Variants in TCFL5 observed in about 807,000 individuals in gnomAD.
TCFL5 encodes transcription factor-like 5 protein.
Under a neutral mutation model 44.3 loss-of-function variants are expected in TCFL5, and 9 were observed. The ratio of observed to expected loss-of-function variants is 0.20; its 90% CI spans 0.12 to 0.35. The LOEUF (loss-of-function observed/expected upper bound fraction) is 0.35, where lower values mean the gene tolerates loss of function less well. Ranked by LOEUF, TCFL5 falls within the 10% of genes least tolerant of loss-of-function variation. The pLI, the probability that TCFL5 is intolerant of heterozygous loss-of-function variation, is 1.00. For synonymous variants in TCFL5, 319 were observed against 271.6 expected (o/e 1.17, Z -1.72); for missense variants, 603 against 613.4 (o/e 0.98, Z 0.18).
rs2063996091 is a variant in TCFL5, at chr20:62,861,124, C to A, written c.547G>T (p.Val183Leu). Residue 183 changes from valine (V) to leucine (L), a missense_variant, in exon 1 of 6, where the codon GTG becomes TTG. Physicochemically the swap from Val to Leu is conservative, Grantham distance 32. Coordinates refer to ENST00000335351, the MANE Select transcript of TCFL5 (RefSeq NM_006602.4). The surrounding 1 kb of genome is among the most constrained non-coding windows in gnomAD (Gnocchi z 4.0). ...AAGCGGTCCTCCAGGCGGACGCGCACGGCCGGCTTGGCCCGGGCCTCGGGC... is the reference window on the plus strand; with the variant it reads ...AAGCGGTCCTCCAGGCGGACGCGCAAGGCCGGCTTGGCCCGGGCCTCGGGC... ...GAPEARAKPAVRVRLEDRFNS... is the reference protein window; with the variant it reads ...GAPEARAKPALRVRLEDRFNS... 2.0e-6 allele frequency: 2 copies of A among 999,734 alleles called. No individual in the cohort carries two copies. The highest frequency in any genetic ancestry group is 2.4e-6 in the Non-Finnish European group (2 of 841,344). The allele number at this position is 999,734 out of a possible 1,614,324, so 61.9% of individuals were successfully genotyped here.
chr20:62,849,238 G>T (rs1400898524), intron 5 of TCFL5, among the ~76,000 whole-genome samples: 2 of 152,122 alleles, frequency 1.3e-5, no homozygotes, highest in Admixed American at 6.6e-5. Context: ...GGATCCCAAA[G>T]ATACCTGGAG....
chr20:62,852,084 C>T, intron 5 of TCFL5: 1 of 985,432 alleles, frequency 1.0e-6, no homozygotes, highest in Non-Finnish European at 1.2e-6. Flanking sequence ...GGATCACAGG[C>T]ATGAGTCACT....
At chr20:62,843,324 T>TAC (rs1352807894) in intron 5 of TCFL5, among the ~76,000 whole-genome samples, 2 of 152,190 alleles carry the variant, frequency 1.3e-5, no homozygotes, top group African/African-American at 2.4e-5. Flanking sequence ...GTGAAGGCTT[T>TAC]CAGGAAGGAG....
intron 5 of TCFL5, chr20:62,845,415 G>A (rs772314382): frequency 1.4e-5 from 17 of 1,230,192 alleles, no homozygotes; most frequent in South Asian, 6.6e-5. Flanking sequence ...GAGCTACGAC[G>A]CCCAGCTTCT....
chr20:62,859,318 G>C lies in TCFL5; in HGVS notation c.994+46C>G, dbSNP rs375353271. The C allele has an allele frequency of 1.1e-5, 18 of 1,581,732 alleles. No homozygotes were observed. The Admixed American group carries it at 1.8e-4, about 16-fold the overall frequency. ...AGGCCAAAATGCCATCAGCCACAGG[G>C]CTCAGTCAGAAGAAAGCTCCCACTA... is the stretch of plus-strand genomic sequence containing the variant. On this transcript the variant is annotated intron_variant, in intron 3 of 5. Coordinates refer to ENST00000335351, the MANE Select transcript of TCFL5 (RefSeq NM_006602.4).
At chr20:62,859,912 T>C (rs1207797642) in intron 2 of TCFL5, among the ~76,000 whole-genome samples, 1 of 152,080 alleles carries the variant, frequency 6.6e-6, no homozygotes, top group African/African-American at 2.4e-5. Flanking sequence ...TTTCACCATG[T>C]TGGCCAGGCT....
chr20:62,858,504 G>A (rs939937238), intron 3 of TCFL5, among the ~76,000 whole-genome samples: 1 of 152,198 alleles, frequency 6.6e-6, no homozygotes, highest in Non-Finnish European at 1.5e-5. Context: ...GAAAAGGAAG[G>A]ACTGACATGG....
chr20:62,847,937 G>A (rs955816196), intron 5 of TCFL5, among the ~76,000 whole-genome samples: 3 of 152,242 alleles, frequency 2.0e-5, no homozygotes, highest in African/African-American at 4.8e-5. Context: ...TCCAAGAGAG[G>A]ATGAAGTGGC....
In TCFL5 at chr20:62,861,400, CGCCTGCGCCCGG is replaced by C. The variant is rs755694934; in HGVS notation, c.259_270del (p.Pro87_Gly90del). On this transcript the variant is annotated inframe_deletion, in exon 1 of 6. Transcript: ENST00000335351. The surrounding 1 kb of genome is among the most constrained non-coding windows in gnomAD (Gnocchi z 4.0). ...TGACCGCCCGCCGCGAAGCCGCCCG[CGCCTGCGCCCGG>C]GCCCGCCGCCGCCAGCAGCGCCGAG... 1.9e-5 allele frequency: 21 copies of C among 1,088,832 alleles called. No homozygotes were observed. The South Asian group carries it at 7.3e-4, about 38-fold the overall frequency. The allele number at this position is 1,088,832 out of a possible 1,614,324, so 67.4% of individuals were successfully genotyped here. A position where few individuals can be genotyped will look rare whatever the true frequency, so the allele number is the denominator to read the frequency against.
intron 5 of TCFL5, among the ~76,000 whole-genome samples, chr20:62,846,396 G>T (rs141814891): frequency 1.1e-4 from 16 of 152,336 alleles, no homozygotes; most frequent in Non-Finnish European, 2.2e-4. Flanking sequence ...GAGAGGAGCA[G>T]ATCCCCTTAG....
chr20:62,859,091 A>G (rs959794243), intron 3 of TCFL5, among the ~76,000 whole-genome samples: 10 of 152,214 alleles, frequency 6.6e-5, no homozygotes, highest in African/African-American at 2.4e-4. Flanking sequence ...AAATAACTGA[A>G]AATTTATGTA....
chr20:62,860,991 GGCCCCGCCA>G, intron 1 of TCFL5, 24 bp downstream of exon 1: 1 of 992,046 alleles, frequency 1.0e-6, no homozygotes, highest in Non-Finnish European at 1.2e-6. Flanking sequence ...CCTCCACCCG[GGCCCCGCCA>G]GCCCCCGGCC....
At chr20:62,845,469 C>A in intron 5 of TCFL5, 1 of 1,365,076 alleles carries the variant, frequency 7.3e-7, no homozygotes, top group South Asian at 1.6e-5. Context: ...AAAATGACCC[C>A]ACATTTTGAT....
At chr20:62,846,540 C>A (rs970703618) in intron 5 of TCFL5, among the ~76,000 whole-genome samples, 2 of 152,190 alleles carry the variant, frequency 1.3e-5, no homozygotes, top group African/African-American at 4.8e-5. Context: ...ATTTTTATAA[C>A]ATCAAAACAT....
chr20:62,861,306 C>T lies in TCFL5; in HGVS notation c.365G>A (p.Gly122Asp), dbSNP rs754307778. 2 of 1,178,226 alleles carry T rather than the reference C, an allele frequency of 1.7e-6. No homozygotes were observed. Among genetic ancestry groups the T allele is most frequent in the South Asian group, 2.0e-5 (1 of 50,102 alleles). The allele number at this position is 1,178,226 out of a possible 1,614,324, so 73.0% of individuals were successfully genotyped here. Residue 122 changes from glycine to aspartate, a missense_variant, in exon 1 of 6, where the codon GGC becomes GAC. Coordinates refer to ENST00000335351, the MANE Select transcript of TCFL5 (RefSeq NM_006602.4). This position sits in a 1 kb window ranked among gnomAD's most constrained non-coding sequence, Gnocchi z 4.0. ...SALAADAPCL[G>D]HIDFQELRMM... Reference sequence around the variant, plus strand: ...GCGCAGCTCCTGGAAGTCGATGTGGCCCAGGCAGGGCGCGTCGGCCGCCAG... The same window carrying T: ...GCGCAGCTCCTGGAAGTCGATGTGGTCCAGGCAGGGCGCGTCGGCCGCCAG...
At chr20:62,845,233 C>T in intron 5 of TCFL5, 1 of 823,002 alleles carries the variant, frequency 1.2e-6, no homozygotes, top group Non-Finnish European at 1.5e-6. Context: ...CTGATTCTCC[C>T]ACCTCAGCCT....
At chr20:62,851,463 G>A (rs984580461) in intron 5 of TCFL5, 6 of 911,310 alleles carry the variant, frequency 6.6e-6, no homozygotes, top group Admixed American at 6.2e-5. Flanking sequence ...TTTACTAATA[G>A]ATACACAAAG....
At chr20:62,851,628 T>C (rs990891477) in intron 5 of TCFL5, 2 of 985,100 alleles carry the variant, frequency 2.0e-6, no homozygotes, top group Non-Finnish European at 2.4e-6. Context: ...CGCTATAGAA[T>C]GCAATTAAAT....
chr20:62,853,555 T>C (rs904000431), intron 5 of TCFL5, among the ~76,000 whole-genome samples: 1 of 152,238 alleles, frequency 6.6e-6, no homozygotes, highest in Non-Finnish European at 1.5e-5. Flanking sequence ...CTTGCCATGT[T>C]GCCCAGGCTG....
Sources: gnomAD v4.1 joint callset for allele counts (sites outside exome capture counted in the v4.1 genomes callset) on GRCh38, gnomAD v4.1.1 for gene constraint, Gnocchi (gnomAD v3.1) non-coding constraint, MANE v1.5 for transcripts, NCBI Gene and HGNC (gene_info 2026-07-23, HGNC 2026-07-21) for gene names.